The following EML6 variants were observed in gnomAD, a reference collection of about 807,000 sequenced individuals.
EML6 encodes EMAP like 6, also known as echinoderm microtubule-associated protein-like 6.
A neutral mutation model predicts 240.1 loss-of-function variants in EML6; 154 were observed. The ratio of observed to expected loss-of-function variants is 0.64; its 90% confidence interval spans 0.56 to 0.73. EML6 has a LOEUF of 0.73. EML6 is among the 30% of genes least tolerant of loss of function. The pLI, the probability that EML6 is intolerant of heterozygous loss-of-function variation, is 0.00. For synonymous variants in EML6, 1,148 were observed against 899.0 expected, an observed-to-expected ratio of 1.28 and a Z score of -4.95; for missense variants, 2,964 against 2,474.6, an observed-to-expected ratio of 1.20 and a Z score of -4.20.
chr2:54,893,147 T>G (rs1422545448), intron 19 of EML6, among the ~76,000 whole-genome samples: 1 of 152,210 alleles, frequency 6.6e-6, no homozygotes, highest in African/African-American at 2.4e-5. Flanking sequence ...GGCTGTTCAT[T>G]GGCCATATTA....
chr2:54,824,610 A>G lies in EML6; in HGVS notation c.526-2956A>G, dbSNP rs531494677. On this transcript the variant is annotated intron_variant, in intron 5 of 41. Transcript: ENST00000356458. ...TCCTTTTTGGCTTTGTAAATCCCCT[A>G]TGTTTTGGCAAATAGGAAAATTGCA... Among the ~76,000 whole-genome samples the G allele has an allele frequency of 1.8e-4, 28 of 152,264 alleles. No homozygotes were observed. In the South Asian group the frequency reaches 5.8e-3, roughly 32 times the overall value.
At chr2:54,890,898 G>A (rs1001006896) in intron 17 of EML6, among the ~76,000 whole-genome samples, 156 bp from the exon 18 acceptor site, 23 of 152,168 alleles carry the variant, frequency 1.5e-4, no homozygotes, top group African/African-American at 5.1e-4. Context: ...GCCAAAGCTC[G>A]TTATTTTAAT....
intron 35 of EML6, among the ~76,000 whole-genome samples, chr2:54,960,740 G>T (rs1397375554): frequency 6.6e-6 from 1 of 152,162 alleles, no homozygotes; most frequent in African/African-American, 2.4e-5. Context: ...GTAAGGAGGA[G>T]GGTAAGGGCC....
chr2:54,815,064 T>G (rs75364413), intron 3 of EML6, among the ~76,000 whole-genome samples: 3,719 of 152,352 alleles, frequency 0.024, 153 homozygotes, highest in African/African-American at 0.085. Flanking sequence ...CGGATTTTGT[T>G]ATTCAAGCAA....
intron 2 of EML6, among the ~76,000 whole-genome samples, chr2:54,730,843 A>G (rs1048416312): frequency 2.0e-5 from 3 of 152,204 alleles, no homozygotes; most frequent in Non-Finnish European, 4.4e-5. Context: ...TACATCTATA[A>G]TGTGCCAGAT....
intron 6 of EML6, among the ~76,000 whole-genome samples, chr2:54,828,119 C>T (rs1668686426): frequency 6.6e-6 from 1 of 152,124 alleles, no homozygotes; most frequent in South Asian, 2.1e-4. Flanking sequence ...GCGATGAAGT[C>T]GCCACAGCTC....
At chr2:54,954,336 C>T (rs1458054346) in intron 32 of EML6, among the ~76,000 whole-genome samples, 180 bp downstream of exon 32, 1 of 152,180 alleles carries the variant, frequency 6.6e-6, no homozygotes, top group African/African-American at 2.4e-5. Context: ...GCCAGTGCAT[C>T]CCAGGGTCCC....
At chr2:54,815,458 G>GT (rs1420513409) in intron 3 of EML6, among the ~76,000 whole-genome samples, 5 of 152,322 alleles carry the variant, frequency 3.3e-5, no homozygotes, top group Admixed American at 3.3e-4. Flanking sequence ...TATGGGAACT[G>GT]TCACTACAGA....
chr2:54,882,764 A>G (rs1671889302), intron 17 of EML6: 1 of 149,758 alleles, frequency 6.7e-6, no homozygotes, highest in Non-Finnish European at 1.5e-5. Context: ...AGGCTGAGGC[A>G]GGAGAACGGC....
rs560953102 is a variant in EML6 at position 54,910,004 on chromosome 2, G to A, written c.3410-950G>A. Reference sequence around the variant, plus strand: ...ATTTCAAAACTACTAGATATACATAGTTATGGGAAAAAACAAAAGGAGAAA... The same window carrying A: ...ATTTCAAAACTACTAGATATACATAATTATGGGAAAAAACAAAAGGAGAAA... On this transcript the variant is annotated intron_variant, in intron 24 of 41. Transcript: ENST00000356458. Among the ~76,000 whole-genome samples, 4 of 152,012 alleles carry A rather than the reference G, an allele frequency of 2.6e-5. 1 individual carries two copies. In the South Asian group the frequency reaches 8.3e-4, roughly 32 times the overall value.
intron 2 of EML6, among the ~76,000 whole-genome samples, chr2:54,804,370 A>T (rs927068277): frequency 1.8e-4 from 28 of 152,272 alleles, no homozygotes; most frequent in African/African-American, 6.0e-4. Flanking sequence ...GATTTCACAT[A>T]GACCTCTCTC....
intron 19 of EML6, among the ~76,000 whole-genome samples, chr2:54,893,334 C>G (rs1672579182): frequency 6.6e-6 from 1 of 152,128 alleles, no homozygotes; most frequent in Non-Finnish European, 1.5e-5. Flanking sequence ...CTGGGAAGTC[C>G]AAGAGTAAGG....
intron 22 of EML6, among the ~76,000 whole-genome samples, chr2:54,901,748 T>C (rs929685825): frequency 3.2e-4 from 49 of 152,030 alleles, no homozygotes; most frequent in Admixed American, 1.1e-3. Flanking sequence ...AACAGAGGAG[T>C]TGGTAAAGAG....
chr2:54,943,324 C>G (rs904221314), intron 28 of EML6, among the ~76,000 whole-genome samples: 1 of 152,190 alleles, frequency 6.6e-6, no homozygotes, highest in Non-Finnish European at 1.5e-5. Context: ...GCCCCGGCCT[C>G]CTGTCCATCC....
Position 54,933,589 on chromosome 2 carries a change from CCTGGT to C in EML6, c.4004+4839_4004+4843del, listed in dbSNP as rs1674975029. Reference sequence around the variant, plus strand: ...TCTCTCCTAAAAATACAAAAATTAGCCTGGTATGGTGGCACACGCCTGTAATCTCA... The same window carrying C: ...TCTCTCCTAAAAATACAAAAATTAGCATGGTGGCACACGCCTGTAATCTCA... On this transcript the variant is annotated intron_variant, in intron 28 of 41. Coordinates refer to ENST00000356458, the MANE Select transcript of EML6 (RefSeq NM_001039753.4). Among the ~76,000 whole-genome samples, 5 of 150,476 alleles carry C rather than the reference CCTGGT, an allele frequency of 3.3e-5. No homozygotes were observed. The South Asian group carries it at 1.0e-3, about 31-fold the overall frequency.
intron 2 of EML6, among the ~76,000 whole-genome samples, chr2:54,812,616 C>G (rs901305737): frequency 6.6e-6 from 1 of 151,756 alleles, no homozygotes; most frequent in Non-Finnish European, 1.5e-5. Context: ...TCATTTTTAT[C>G]GAACTACAGA....
chr2:54,939,094 C>G (rs1008207912), intron 28 of EML6, among the ~76,000 whole-genome samples: 10 of 152,234 alleles, frequency 6.6e-5, no homozygotes, highest in Admixed American at 1.3e-4. Context: ...GATTCCTTAA[C>G]AACAAGATTT....
intron 2 of EML6, among the ~76,000 whole-genome samples, chr2:54,743,472 T>G (rs1376585395): frequency 6.6e-6 from 1 of 152,234 alleles, no homozygotes; most frequent in Admixed American, 6.5e-5. Flanking sequence ...ATATATGCAT[T>G]TTTCCCTGTA....
intron 2 of EML6, among the ~76,000 whole-genome samples, chr2:54,762,744 G>A (rs1668031621): frequency 6.6e-6 from 1 of 152,094 alleles, no homozygotes; most frequent in African/African-American, 2.4e-5. Flanking sequence ...TCTTATTGCT[G>A]TTTGGCATCA....
Sources: gnomAD v4.1 joint callset for allele counts (sites outside exome capture counted in the v4.1 genomes callset) on GRCh38, gnomAD v4.1.1 for gene constraint, MANE v1.5 for transcripts, NCBI Gene and HGNC (gene_info 2026-07-23, HGNC 2026-07-21) for gene names.